The following PTPRG variants were observed in gnomAD, a reference collection of about 807,000 sequenced individuals.
The protein encoded by PTPRG is protein tyrosine phosphatase receptor type G.
Under a neutral mutation model 165.3 loss-of-function variants are expected in PTPRG, and 102 were observed. The ratio of observed to expected loss-of-function variants is 0.62; its 90% CI spans 0.53 to 0.73. The LOEUF is 0.73. PTPRG is among the 30% of genes least tolerant of loss of function. The pLI is 0.00. For synonymous variants in PTPRG, 675 were observed against 669.5 expected (o/e 1.01, Z -0.13); for missense variants, 1,866 against 1,861.4 (o/e 1.00, Z -0.05).
At chr3:61,875,860 T>C (rs1035476307) in intron 2 of PTPRG, among the ~76,000 whole-genome samples, 2 of 152,192 alleles carry the variant, frequency 1.3e-5, no homozygotes, top group Non-Finnish European at 2.9e-5. Flanking sequence ...CGTTTCATTT[T>C]TGACCCACTT....
rs746587225 is a variant in PTPRG at position 61,828,626 on chromosome 3, G to A, written c.190+79644G>A. 3.9e-5 allele frequency among the ~76,000 whole-genome samples: 6 copies of A among 152,206 alleles called. No homozygotes were observed. In the South Asian group the frequency reaches 1.0e-3, roughly 26 times the overall value. On this transcript the variant is annotated intron_variant, in intron 2 of 29. Coordinates refer to ENST00000474889, the MANE Select transcript of PTPRG (RefSeq NM_002841.4). ...TGTGTGAACCCAGAGGAAGTGCTGT[G>A]TGAACCCAGGGGAGGAGTGACTACA...
intron 2 of PTPRG, among the ~76,000 whole-genome samples, chr3:61,857,953 C>A (rs1301492641): frequency 2.0e-5 from 3 of 152,172 alleles, no homozygotes; most frequent in African/African-American, 7.2e-5. Flanking sequence ...GTCACTGACA[C>A]CTCCCTCTTA....
intron 2 of PTPRG, among the ~76,000 whole-genome samples, chr3:61,776,779 T>C (rs767196416): frequency 6.6e-6 from 1 of 152,146 alleles, no homozygotes; most frequent in African/African-American, 2.4e-5. Flanking sequence ...TAACTGTGCT[T>C]CTTCTTGTGT....
At chr3:61,879,573 G>T (rs981742224) in intron 2 of PTPRG, among the ~76,000 whole-genome samples, 1 of 152,116 alleles carries the variant, frequency 6.6e-6, no homozygotes, top group African/African-American at 2.4e-5. Context: ...TAATGACAGG[G>T]ATATGTTCTG....
intron 2 of PTPRG, among the ~76,000 whole-genome samples, chr3:61,791,564 T>C (rs1425411233): frequency 2.6e-5 from 4 of 152,228 alleles, no homozygotes; most frequent in Non-Finnish European, 4.4e-5. Context: ...CTCGGGTAAC[T>C]GCAACCTCTG....
At chr3:61,819,303 T>C (rs2035886370) in intron 2 of PTPRG, among the ~76,000 whole-genome samples, 1 of 152,174 alleles carries the variant, frequency 6.6e-6, no homozygotes, top group East Asian at 1.9e-4. Flanking sequence ...GAGAACAAGC[T>C]TCAGATAACC....
chr3:62,198,223 CA>C (rs1224029918), intron 10 of PTPRG, among the ~76,000 whole-genome samples: 1 of 152,156 alleles, frequency 6.6e-6, no homozygotes, highest in Non-Finnish European at 1.5e-5. Context: ...AGCATTGTTA[CA>C]TAAGTTATTT....
chr3:62,022,151 G>A (rs2041710133), intron 4 of PTPRG, among the ~76,000 whole-genome samples: 1 of 152,090 alleles, frequency 6.6e-6, no homozygotes, highest in African/African-American at 2.4e-5. Context: ...CCTATGGGCG[G>A]GTACCATTGC....
intron 1 of PTPRG, among the ~76,000 whole-genome samples, chr3:61,740,531 C>T (rs650606): frequency 0.75 from 113,684 of 151,440 alleles, 42,761 homozygotes; most frequent in Middle Eastern, 0.82. Flanking sequence ...TCCATTTTAG[C>T]CCTTATTTAT....
chr3:62,003,303 T>G, intron 3 of PTPRG, 46 bp from the exon 4 acceptor site: 1 of 1,579,686 alleles, frequency 6.3e-7, no homozygotes, highest in Non-Finnish European at 8.6e-7. Flanking sequence ...TCCATTTGGT[T>G]TTGAAACTCA....
intron 12 of PTPRG, among the ~76,000 whole-genome samples, 200 bp downstream of exon 12, chr3:62,204,150 C>T (rs994590768): frequency 6.6e-6 from 1 of 152,202 alleles, no homozygotes; most frequent in African/African-American, 2.4e-5. Flanking sequence ...TACTCTCTTA[C>T]GCTGGAGTAA....
chr3:61,606,407 C>G (rs184171048), intron 1 of PTPRG, among the ~76,000 whole-genome samples: 112 of 152,320 alleles, frequency 7.4e-4, no homozygotes, highest in African/African-American at 2.2e-3. Context: ...CTGATTAGGT[C>G]AGGCCCACTT....
chr3:62,033,790 C>T (rs79043437), intron 4 of PTPRG, among the ~76,000 whole-genome samples: 4,486 of 152,124 alleles, frequency 0.029, 95 homozygotes, highest in Non-Finnish European at 0.042. Context: ...TTTTTTGAGA[C>T]GGAGTCTCAC....
intron 1 of PTPRG, among the ~76,000 whole-genome samples, chr3:61,697,490 C>T (rs2106687691): frequency 6.6e-6 from 1 of 152,282 alleles, no homozygotes; most frequent in East Asian, 1.9e-4. Context: ...GATTAACCAT[C>T]AGAGAAGAGA....
chr3:61,975,054 A>G (rs572986125), intron 2 of PTPRG, among the ~76,000 whole-genome samples: 11 of 120,598 alleles, frequency 9.1e-5, no homozygotes, highest in African/African-American at 3.9e-4. Flanking sequence ...TCTAAATACC[A>G]AATAGCATAA....
In PTPRG at chr3:61,671,745, C is replaced by T. The variant is rs78320424; in HGVS notation, c.86-77133C>T. Reference sequence around the variant, plus strand: ...GCAGAGGCGCCCCTCACCTCCTGGACGGGGCGGCTGGCCGGGCGGGGGGCT... The same window carrying T: ...GCAGAGGCGCCCCTCACCTCCTGGATGGGGCGGCTGGCCGGGCGGGGGGCT... On this transcript the variant is annotated intron_variant, in intron 1 of 29. Coordinates refer to ENST00000474889, the MANE Select transcript of PTPRG (RefSeq NM_002841.4). Among the ~76,000 whole-genome samples the T allele has an allele frequency of 2.5e-3, 330 of 134,208 alleles. 1 individual carries two copies. Among genetic ancestry groups the T allele is most frequent in the African/African-American group, 6.8e-3 (252 of 36,990 alleles). 88.0% of individuals were successfully genotyped at this position (134,208 alleles called of 152,430 possible).
chr3:61,908,411 CAAAAAAA>C (rs776421819), intron 2 of PTPRG, among the ~76,000 whole-genome samples: 215 of 57,734 alleles, frequency 3.7e-3, no homozygotes, highest in African/African-American at 0.01. Context: ...GGCAACAGAG[CAAAAAAA>C]AAAAAAAAAA....
chr3:61,757,888 T>A (rs1045881678), intron 2 of PTPRG, among the ~76,000 whole-genome samples: 1 of 152,132 alleles, frequency 6.6e-6, no homozygotes, highest in Admixed American at 6.5e-5. Flanking sequence ...ATGATTAATT[T>A]AAAGGTTCAA....
At chr3:62,179,116 G>A (rs750072543) in intron 8 of PTPRG, among the ~76,000 whole-genome samples, 6 of 152,164 alleles carry the variant, frequency 3.9e-5, no homozygotes, top group Non-Finnish European at 7.3e-5. Context: ...TCAGGTATCT[G>A]TCCAGGAATA....
Sources: gnomAD v4.1 joint callset for allele counts (sites outside exome capture counted in the v4.1 genomes callset) on GRCh38, gnomAD v4.1.1 for gene constraint, MANE v1.5 for transcripts, NCBI Gene and HGNC (gene_info 2026-07-23, HGNC 2026-07-21) for gene names.